Variants in SNX29 observed in about 807,000 individuals in gnomAD.
SNX29 encodes the protein sorting nexin 29, also known as sorting nexin-29.
Under a neutral mutation model 102.1 loss-of-function variants are expected in SNX29, and 78 were observed. The ratio of observed to expected loss-of-function variants is 0.76; its 90% CI spans 0.64 to 0.92. The LOEUF is 0.92. Ranked by LOEUF, SNX29 falls within the 40% of genes least tolerant of loss-of-function variation. The pLI, the probability that SNX29 is intolerant of heterozygous loss-of-function variation, is 0.00. For missense variants in SNX29, 1,280 were observed against 1,061.7 expected (o/e 1.21, Z -2.86); for synonymous variants, 580 against 414.5 (o/e 1.40, Z -4.85).
intron 11 of SNX29, among the ~76,000 whole-genome samples, chr16:12,083,759 A>C (rs2052025806): frequency 6.6e-6 from 1 of 152,202 alleles, no homozygotes; most frequent in Admixed American, 6.5e-5. Context: ...GGACTCTTGG[A>C]AACCCCAGAG....
intron 13 of SNX29, among the ~76,000 whole-genome samples, chr16:12,154,081 A>G (rs891943127): frequency 1.3e-5 from 2 of 152,160 alleles, no homozygotes; most frequent in Non-Finnish European, 2.9e-5. Flanking sequence ...TTGACATACA[A>G]ATAATTAGAA....
chr16:12,226,853 C>T (rs1400887632), intron 14 of SNX29, among the ~76,000 whole-genome samples: 1 of 152,198 alleles, frequency 6.6e-6, no homozygotes, highest in African/African-American at 2.4e-5. Context: ...GCTGGGATTA[C>T]AGGCATGAGC....
At chr16:12,013,500 A>AAAATAT in intron 3 of SNX29, among the ~76,000 whole-genome samples, 103 of 31,596 alleles carry the variant, frequency 3.3e-3, no homozygotes, top group Non-Finnish European at 4.4e-3. Context: ...AAAAAAAAAA[A>AAAATAT]ATATATATAT....
chr16:12,086,327 C>T (rs1393497617), intron 11 of SNX29, among the ~76,000 whole-genome samples: 1 of 152,128 alleles, frequency 6.6e-6, no homozygotes, highest in Non-Finnish European at 1.5e-5. Flanking sequence ...TTCTACATTA[C>T]CTAAGGAGAC....
At chr16:12,538,233 A>C (rs942277325) in intron 20 of SNX29, among the ~76,000 whole-genome samples, 1 of 152,122 alleles carries the variant, frequency 6.6e-6, no homozygotes, top group Non-Finnish European at 1.5e-5. Flanking sequence ...CTTGTGCCTC[A>C]GTCTCCCTAG....
chr16:12,205,843 C>T (rs569898146), intron 14 of SNX29, among the ~76,000 whole-genome samples: 3 of 152,314 alleles, frequency 2.0e-5, no homozygotes, highest in South Asian at 4.1e-4. Flanking sequence ...ATGTCTTTTC[C>T]CCTGCTGTGT....
chr16:12,403,222 G>T (rs920877540), intron 17 of SNX29, among the ~76,000 whole-genome samples: 1 of 148,112 alleles, frequency 6.8e-6, no homozygotes, highest in Non-Finnish European at 1.5e-5. Context: ...GTGTGTGTGT[G>T]TGTGTGTGTG....
chr16:12,013,520 T>A lies in SNX29; in HGVS notation c.122+10477T>A, dbSNP rs1328791308. ...AAAAAAATATATATATATATATATA[T>A]ATATATATATATATATATATATCGA... On this transcript the variant is annotated intron_variant, in intron 3 of 20. Coordinates refer to ENST00000566228, the MANE Select transcript of SNX29 (RefSeq NM_032167.5). Among the ~76,000 whole-genome samples, 902 of 101,780 alleles carry A rather than the reference T, an allele frequency of 8.9e-3. 70 individuals carry two copies. The highest frequency in any genetic ancestry group is 0.023 in the South Asian group (65 of 2,858). 66.8% of individuals were successfully genotyped at this position (101,780 alleles called of 152,430 possible).
intron 15 of SNX29, among the ~76,000 whole-genome samples, chr16:12,351,283 A>T (rs972121541): frequency 6.6e-6 from 1 of 152,226 alleles, no homozygotes; most frequent in Non-Finnish European, 1.5e-5. Context: ...GTGCAATGCC[A>T]TCATCACAGA....
At chr16:12,532,997 G>GC (rs1308057260) in intron 20 of SNX29, among the ~76,000 whole-genome samples, 8 of 152,366 alleles carry the variant, frequency 5.3e-5, no homozygotes, top group Admixed American at 3.3e-4. Flanking sequence ...GCATCCCTGA[G>GC]CCCCTCGTCT....
intron 19 of SNX29, among the ~76,000 whole-genome samples, chr16:12,510,914 G>A (rs528192508): frequency 6.6e-6 from 1 of 152,242 alleles, no homozygotes; most frequent in South Asian, 2.1e-4. Context: ...CATCGCAGGT[G>A]GGGTCCTTCC....
chr16:12,570,209 C>T lies in SNX29; in HGVS notation c.*1580C>T, dbSNP rs1266429509. On this transcript the variant is annotated 3_prime_UTR_variant, in exon 21 of 21. Transcript: ENST00000566228. The stretch of plus-strand genomic sequence containing the variant: ...CAGCCTACATGACTTCCAAGGGGAC[C>T]TGGGGCCAGATAAGCCCTGCCCCGG... The T allele has an allele frequency of 1.9e-5, 20 of 1,065,024 alleles. No individual in the cohort carries two copies. Among genetic ancestry groups the T allele is most frequent in the Non-Finnish European group, 2.3e-5 (20 of 879,142 alleles). 66.0% of individuals were successfully genotyped at this position (1,065,024 alleles called of 1,614,324 possible).
chr16:12,063,847 C>T (rs1279467705), intron 9 of SNX29, among the ~76,000 whole-genome samples: 1 of 151,800 alleles, frequency 6.6e-6, no homozygotes, highest in Non-Finnish European at 1.5e-5. Context: ...GCCAGGCCAC[C>T]GAAGTCCTGC....
At chr16:12,414,015 A>G (rs12596307) in intron 18 of SNX29, among the ~76,000 whole-genome samples, 11,237 of 152,280 alleles carry the variant, frequency 0.074, 596 homozygotes, top group East Asian at 0.19. Context: ...ATGCTAAGTC[A>G]TCTCTAGATT....
intron 20 of SNX29, among the ~76,000 whole-genome samples, chr16:12,557,020 C>CCCCCCCCCG (rs1190942363): frequency 2.7e-5 from 1 of 37,206 alleles, no homozygotes; most frequent in South Asian, 8.9e-4. Flanking sequence ...AATTTACCCC[C>CCCCCCCCCG]CCCCCGCCCC....
chr16:12,538,012 C>G (rs933126454), intron 20 of SNX29, among the ~76,000 whole-genome samples: 3 of 151,312 alleles, frequency 2.0e-5, no homozygotes, highest in Admixed American at 1.3e-4. Flanking sequence ...AATTGTCTGC[C>G]ATTTATAGAC....
At chr16:12,070,924 C>T (rs1482669868) in intron 10 of SNX29, among the ~76,000 whole-genome samples, 43 of 152,156 alleles carry the variant, frequency 2.8e-4, no homozygotes, top group East Asian at 7.7e-4. Context: ...TGATGGCCAG[C>T]GATGATGAGC....
At chr16:12,461,943 G>A (rs1377884398) in intron 18 of SNX29, among the ~76,000 whole-genome samples, 12 of 104,758 alleles carry the variant, frequency 1.1e-4, no homozygotes, top group South Asian at 3.7e-4. Context: ...GTGACAGAGC[G>A]AGACTCTGTC....
intron 18 of SNX29, among the ~76,000 whole-genome samples, chr16:12,405,848 A>G (rs2084138467): frequency 6.6e-6 from 1 of 152,084 alleles, no homozygotes; most frequent in Admixed American, 6.5e-5. Context: ...AGCCTGGCCA[A>G]CATAGTGAAA....
Sources: gnomAD v4.1 joint callset for allele counts (sites outside exome capture counted in the v4.1 genomes callset) on GRCh38, gnomAD v4.1.1 for gene constraint, MANE v1.5 for transcripts, NCBI Gene and HGNC (gene_info 2026-07-23, HGNC 2026-07-21) for gene names.